RIMS1: variants seen among roughly 807,000 people sequenced by gnomAD.
The protein encoded by RIMS1 is regulating synaptic membrane exocytosis protein 1.
A neutral mutation model predicts 214.1 loss-of-function variants in RIMS1; 83 were observed. The observed-to-expected ratio is 0.39, with a 90% confidence interval of 0.32 to 0.47. The LOEUF (loss-of-function observed/expected upper bound fraction) is 0.47. Among genes scored for constraint, RIMS1 ranks in the 20% least tolerant of loss-of-function variants. The pLI is 0.99. For synonymous variants in RIMS1, 793 were observed against 786.8 expected, an observed-to-expected ratio of 1.01 and a Z score of -0.13; for missense variants, 2,050 against 2,161.8, an observed-to-expected ratio of 0.95 and a Z score of 1.03.
At chr6:72,033,853 T>G (rs1818846202) in intron 2 of RIMS1, among the ~76,000 whole-genome samples, 1 of 152,158 alleles carries the variant, frequency 6.6e-6, no homozygotes, top group South Asian at 2.1e-4. Flanking sequence ...GAAAAACCAT[T>G]AGGAAATTAA....
At chr6:72,334,093 T>C (rs1446872094) in intron 29 of RIMS1, among the ~76,000 whole-genome samples, 1 of 151,888 alleles carries the variant, frequency 6.6e-6, no homozygotes, top group Non-Finnish European at 1.5e-5. Context: ...TTTGCAAATA[T>C]GCAAGGAAAT....
intron 22 of RIMS1, 115 bp from the exon 23 acceptor site, chr6:72,274,234 A>T (rs1450122244): frequency 1.7e-6 from 1 of 600,126 alleles, no homozygotes; most frequent in African/African-American, 1.8e-5. Flanking sequence ...TGGAGCAAAG[A>T]ATCTACACTT....
At chr6:72,240,610 AATT>A (rs1459558321) in intron 9 of RIMS1, among the ~76,000 whole-genome samples, 3 of 145,536 alleles carry the variant, frequency 2.1e-5, no homozygotes, top group Middle Eastern at 3.6e-3. Context: ...ATAAATTTGT[AATT>A]ATTATATTTC....
intron 4 of RIMS1, among the ~76,000 whole-genome samples, chr6:72,173,627 T>C (rs1187013869): frequency 6.6e-6 from 1 of 152,190 alleles, no homozygotes; most frequent in Non-Finnish European, 1.5e-5. Flanking sequence ...TTAAAGGTTA[T>C]TTTAAGGTTT....
At chr6:72,393,915 G>A (rs1365216876) in intron 31 of RIMS1, among the ~76,000 whole-genome samples, 2 of 151,794 alleles carry the variant, frequency 1.3e-5, no homozygotes, top group Non-Finnish European at 2.9e-5. Flanking sequence ...TACATACTCG[G>A]CCCCAAGCAA....
intron 28 of RIMS1, among the ~76,000 whole-genome samples, chr6:72,326,111 C>T (rs1230913811): frequency 1.3e-5 from 2 of 151,708 alleles, no homozygotes; most frequent in African/African-American, 2.4e-5. Context: ...CATTATTATT[C>T]TTTATACTAC....
chr6:71,914,894 G>T (rs1359621059), intron 1 of RIMS1, among the ~76,000 whole-genome samples: 1 of 152,088 alleles, frequency 6.6e-6, no homozygotes, highest in Non-Finnish European at 1.5e-5. Flanking sequence ...TTGCATGAGG[G>T]TCATAGTCAT....
At chr6:72,137,479 C>T (rs564874594) in intron 4 of RIMS1, among the ~76,000 whole-genome samples, 4 of 151,608 alleles carry the variant, frequency 2.6e-5, no homozygotes, top group East Asian at 3.9e-4. Flanking sequence ...TGTTTTGAGA[C>T]GTTTAATTTT....
chr6:72,324,777 C>T (rs925558256), intron 28 of RIMS1, among the ~76,000 whole-genome samples: 4 of 151,834 alleles, frequency 2.6e-5, no homozygotes, highest in African/African-American at 9.7e-5. Flanking sequence ...TTTACTGGAA[C>T]ACATCTATGC....
At chr6:72,130,105 T>A (rs1169312647) in intron 4 of RIMS1, among the ~76,000 whole-genome samples, 1 of 152,098 alleles carries the variant, frequency 6.6e-6, no homozygotes, top group Non-Finnish European at 1.5e-5. Context: ...GAAAAATATA[T>A]TTATTTATTT....
intron 1 of RIMS1, among the ~76,000 whole-genome samples, chr6:71,946,526 T>G (rs900199727): frequency 1.4e-4 from 21 of 152,124 alleles, no homozygotes; most frequent in African/African-American, 5.1e-4. Flanking sequence ...GAACACACAA[T>G]GGGGAAAAGG....
intron 1 of RIMS1, among the ~76,000 whole-genome samples, chr6:71,937,032 ACCAGCTGATGGTCGGTGCTTTCCTTTTAG>A (rs1234806845): frequency 1.3e-5 from 2 of 152,222 alleles, no homozygotes; most frequent in Admixed American, 6.5e-5. Flanking sequence ...CTTTGGTCTC[ACCAGCTGATGGTCGGTGCTTTCCTTTTAG>A]CCAGTGTAAC....
chr6:71,965,295 G>T (rs1228103714), intron 1 of RIMS1, among the ~76,000 whole-genome samples: 1 of 151,316 alleles, frequency 6.6e-6, no homozygotes, highest in African/African-American at 2.4e-5. Context: ...AATAGTGGTG[G>T]TTTTTTTTTG....
chr6:72,312,600 T>A (rs1463978832), intron 27 of RIMS1, among the ~76,000 whole-genome samples: 2 of 152,132 alleles, frequency 1.3e-5, no homozygotes, highest in African/African-American at 4.8e-5. Context: ...AAGGCATCTT[T>A]GAATAAAAGA....
intron 23 of RIMS1, among the ~76,000 whole-genome samples, chr6:72,280,805 C>T (rs113924304): frequency 0.029 from 4,487 of 152,124 alleles, 197 homozygotes; most frequent in African/African-American, 0.1. Flanking sequence ...CCTTTGCCTT[C>T]AAGAAACAAA....
chr6:72,018,092 G>C (rs1813351453), intron 2 of RIMS1, among the ~76,000 whole-genome samples: 1 of 151,600 alleles, frequency 6.6e-6, no homozygotes, highest in African/African-American at 2.4e-5. Flanking sequence ...CACTGTAGCT[G>C]CTGGGCTAAA....
At chr6:71,985,547 C>CTT (rs960834751) in intron 2 of RIMS1, among the ~76,000 whole-genome samples, 10 of 152,126 alleles carry the variant, frequency 6.6e-5, no homozygotes, top group African/African-American at 2.4e-4. Context: ...CTGCACTAAA[C>CTT]ATCTTTTACC....
intron 28 of RIMS1, among the ~76,000 whole-genome samples, chr6:72,323,251 A>G (rs2096268774): frequency 6.6e-6 from 1 of 152,020 alleles, no homozygotes; most frequent in African/African-American, 2.4e-5. Flanking sequence ...TTTCATCCAC[A>G]CAGTTTTACA....
chr6:71,966,298 A>G (rs1794417173), intron 1 of RIMS1, among the ~76,000 whole-genome samples: 5 of 152,220 alleles, frequency 3.3e-5, no homozygotes. Flanking sequence ...TGTTATATTC[A>G]GATTAATTCT....
Sources: allele counts gnomAD v4.1 joint callset (sites outside exome capture counted in the v4.1 genomes callset), GRCh38; gene constraint gnomAD v4.1.1; transcripts MANE v1.5; gene names NCBI Gene and HGNC (gene_info 2026-07-23, HGNC 2026-07-21).